The following HGD variants were observed in gnomAD, a reference collection of about 807,000 sequenced individuals.
The protein encoded by HGD is homogentisate oxidase.
A neutral mutation model predicts 60.8 loss-of-function variants in HGD; 61 were observed. The observed-to-expected ratio is 1.00, with a 90% CI of 0.82 to 1.24. The LOEUF is 1.24. Among genes scored for constraint, HGD ranks in the 50% most tolerant of loss-of-function variants. HGD has a pLI of 0.00. For missense variants in HGD, 542 were observed against 547.1 expected, an observed-to-expected ratio of 0.99 and a Z score of 0.09; for synonymous variants, 212 against 187.7, an observed-to-expected ratio of 1.13 and a Z score of -1.06.
chr3:120,653,305 C>T (rs139995295), intron 4 of HGD, among the ~76,000 whole-genome samples: 1 of 152,166 alleles, frequency 6.6e-6, no homozygotes, highest in Admixed American at 6.5e-5. Context: ...GGAAAATCAG[C>T]AGGTTTAGGC....
At chr3:120,653,553 G>C (rs1343909636) in intron 4 of HGD, among the ~76,000 whole-genome samples, 1 of 152,214 alleles carries the variant, frequency 6.6e-6, no homozygotes, top group Non-Finnish European at 1.5e-5. Flanking sequence ...GAAGCAGCAA[G>C]TGGAAAAGGC....
At chr3:120,631,966 G>T (rs1206740308) in intron 13 of HGD, among the ~76,000 whole-genome samples, 1 of 152,172 alleles carries the variant, frequency 6.6e-6, no homozygotes, top group Non-Finnish European at 1.5e-5. Context: ...GGGACCAAAG[G>T]TTATTGAGTG....
chr3:120,650,638 C>T (rs1941308439), intron 6 of HGD, 136 bp downstream of exon 6: 1 of 743,918 alleles, frequency 1.3e-6, no homozygotes, highest in Non-Finnish European at 2.5e-6. Context: ...TGAATATTGC[C>T]TTGAGGAGAA....
In HGD at chr3:120,656,448, G is replaced by A. The variant is rs929108105; in HGVS notation, c.283-3797C>T. 2.6e-5 allele frequency among the ~76,000 whole-genome samples: 4 copies of A among 152,218 alleles called. No homozygotes were observed. In the East Asian group the frequency reaches 7.7e-4, roughly 29 times the overall value. ...AATCAATTGTAATGCCCAATGCAAT[G>A]GCTTGACTATAGTAGGCATTAATAT... On this transcript the variant is annotated intron_variant, in intron 4 of 13. Transcript: ENST00000283871.
intron 13 of HGD, among the ~76,000 whole-genome samples, chr3:120,630,843 T>TACACACACACACACACAC (rs111540631): frequency 3.4e-5 from 4 of 116,694 alleles, no homozygotes; most frequent in African/African-American, 7.4e-5. Flanking sequence ...CACACACACA[T>TACACACACACACACACAC]ACACACACAC....
intron 12 of HGD, among the ~76,000 whole-genome samples, chr3:120,634,968 C>G (rs1013455668): frequency 6.6e-6 from 1 of 152,192 alleles, no homozygotes; most frequent in African/African-American, 2.4e-5. Flanking sequence ...GTTTTAAAAA[C>G]AGTTCAGCTC....
chr3:120,681,419 C>T (rs1212751261), intron 1 of HGD, among the ~76,000 whole-genome samples: 2 of 152,214 alleles, frequency 1.3e-5, no homozygotes, highest in East Asian at 3.8e-4. Context: ...CTGGACTTCG[C>T]ATTCAAACAT....
At chr3:120,633,064 T>G in intron 13 of HGD, 83 bp downstream of exon 13, 4 of 1,243,984 alleles carry the variant, frequency 3.2e-6, no homozygotes, top group South Asian at 1.2e-5. Context: ...CTCTGTGACT[T>G]TGGAGAAATG....
intron 7 of HGD, among the ~76,000 whole-genome samples, chr3:120,647,635 C>T (rs890848482): frequency 6.6e-5 from 10 of 152,154 alleles, no homozygotes; most frequent in South Asian, 4.1e-4. Context: ...AGGTCTCCCA[C>T]ATCAGAAAGG....
chr3:120,638,597 G>T lies in HGD; in HGVS notation c.880-16C>A, dbSNP rs1940861265. On this transcript the variant is annotated splice_polypyrimidine_tract_variant and intron_variant, in intron 11 of 13. Transcript: ENST00000283871. ...TGGATGGGTCCTGTGAACACACAAGGAGAGACTGAACGCATGATGCAAGGG... is the reference window on the plus strand; with the variant it reads ...TGGATGGGTCCTGTGAACACACAAGTAGAGACTGAACGCATGATGCAAGGG... 1 of 1,613,678 alleles carries T rather than the reference G, an allele frequency of 6.2e-7. No homozygotes were observed. Among genetic ancestry groups the T allele is most frequent in the African/African-American group, 1.3e-5 (1 of 74,996 alleles).
chr3:120,656,568 G>GC (rs1269233590), intron 4 of HGD, among the ~76,000 whole-genome samples: 1 of 151,140 alleles, frequency 6.6e-6, no homozygotes, highest in East Asian at 1.9e-4. Flanking sequence ...TTTTTTGGGG[G>GC]GGGGTTGGAG....
intron 11 of HGD, 144 bp from the exon 12 acceptor site, chr3:120,638,725 A>G (rs1940865791): frequency 2.2e-6 from 2 of 927,880 alleles, no homozygotes; most frequent in Non-Finnish European, 3.3e-6. Flanking sequence ...ATTTAGATAG[A>G]GGGATACATA....
intron 4 of HGD, among the ~76,000 whole-genome samples, chr3:120,662,116 T>A (rs1361646814): frequency 1.3e-5 from 2 of 152,108 alleles, no homozygotes; most frequent in East Asian, 1.9e-4. Context: ...GTAGGGGACA[T>A]GGAAGTGAGT....
chr3:120,632,101 T>C (rs906176525), intron 13 of HGD, among the ~76,000 whole-genome samples: 4 of 152,090 alleles, frequency 2.6e-5, no homozygotes, highest in African/African-American at 9.7e-5. Context: ...TAGAGGCCCT[T>C]GAAAGGGGAA....
intron 10 of HGD, among the ~76,000 whole-genome samples, chr3:120,643,365 C>A (rs1378625269): frequency 6.6e-6 from 1 of 152,216 alleles, no homozygotes; most frequent in Non-Finnish European, 1.5e-5. Context: ...CTCAGGTGAT[C>A]CGCCTGCCTT....
intron 8 of HGD, among the ~76,000 whole-genome samples, chr3:120,646,664 A>C (rs938864698): frequency 6.6e-6 from 1 of 152,052 alleles, no homozygotes; most frequent in East Asian, 1.9e-4. Flanking sequence ...ACTAAAAAAA[A>C]AAAAAGTCCA....
chr3:120,637,090 A>C (rs1940806194), intron 12 of HGD, among the ~76,000 whole-genome samples: 1 of 152,176 alleles, frequency 6.6e-6, no homozygotes, highest in African/African-American at 2.4e-5. Flanking sequence ...TACAGCCGTG[A>C]AGTACTTTAT....
chr3:120,638,156 A>G lies in HGD; in HGVS notation c.1006+299T>C, dbSNP rs142840881. On this transcript the variant is annotated intron_variant, in intron 12 of 13. Coordinates refer to ENST00000283871, the MANE Select transcript of HGD (RefSeq NM_000187.4). ...TTTCCTGAGGCTTCATTAGAAACAG[A>G]TGCCAGCACCATGCTGCTTGTACAG... Among the ~76,000 whole-genome samples, 1,112 of 152,286 alleles carry G rather than the reference A, an allele frequency of 7.3e-3. 2 individuals carry two copies. The highest frequency in any genetic ancestry group is 0.013 in the Non-Finnish European group (864 of 68,038).
At chr3:120,678,627 G>T (rs147661009) in intron 1 of HGD, among the ~76,000 whole-genome samples, 37 of 152,336 alleles carry the variant, frequency 2.4e-4, no homozygotes, top group South Asian at 6.2e-4. Context: ...TGGTTTGGAA[G>T]GGAGCCACCA....
Sources: gnomAD v4.1 joint callset for allele counts (sites outside exome capture counted in the v4.1 genomes callset) on GRCh38, gnomAD v4.1.1 for gene constraint, MANE v1.5 for transcripts, NCBI Gene and HGNC (gene_info 2026-07-23, HGNC 2026-07-21) for gene names.